Variants in SLC28A1 observed in about 807,000 individuals in gnomAD.
SLC28A1 encodes sodium/nucleoside cotransporter 1.
A neutral mutation model predicts 74.8 loss-of-function variants in SLC28A1; 64 were observed. That is an observed-to-expected ratio of 0.86 (90% confidence interval 0.70 to 1.05). SLC28A1 has a LOEUF of 1.05. Among genes scored for constraint, SLC28A1 ranks in the 50% least tolerant of loss-of-function variants. SLC28A1 has a pLI of 0.00. For synonymous variants in SLC28A1, 359 were observed against 335.0 expected, an observed-to-expected ratio of 1.07 and a Z score of -0.78; for missense variants, 828 against 822.8, an observed-to-expected ratio of 1.01 and a Z score of -0.08.
In SLC28A1 at chr15:84,910,352, G is replaced by A. The variant is rs766985236; in HGVS notation, c.795+1557G>A. Reference sequence around the variant, plus strand: ...CAATGCGGGGGTACCCGAAGTTTCAGAAAAGACAAGTAAGGTCTGCTTCAG... The same window carrying A: ...CAATGCGGGGGTACCCGAAGTTTCAAAAAAGACAAGTAAGGTCTGCTTCAG... On this transcript the variant is annotated intron_variant, in intron 9 of 18. Coordinates refer to ENST00000394573, the MANE Select transcript of SLC28A1 (RefSeq NM_004213.5). Among the ~76,000 whole-genome samples, 3 of 152,222 alleles carry A rather than the reference G, an allele frequency of 2.0e-5. No individual in the cohort carries two copies. The South Asian group carries it at 6.2e-4, about 31-fold the overall frequency.
chr15:84,891,063 G>A (rs1965317669), intron 5 of SLC28A1, among the ~76,000 whole-genome samples: 1 of 152,180 alleles, frequency 6.6e-6, no homozygotes, highest in South Asian at 2.1e-4. Flanking sequence ...GATGGGGAGT[G>A]GGTAGGGATA....
intron 15 of SLC28A1, among the ~76,000 whole-genome samples, chr15:84,937,772 G>A (rs1287822106): frequency 6.6e-6 from 1 of 152,064 alleles, no homozygotes; most frequent in Admixed American, 6.5e-5. Context: ...GTGTTGGAAT[G>A]TGTCTGTAGT....
chr15:84,938,307 GC>G (rs1972194437), intron 15 of SLC28A1: 1 of 88,038 alleles, frequency 1.1e-5, no homozygotes, highest in East Asian at 3.8e-4. Flanking sequence ...TAGAGGGCAC[GC>G]CCCTTCCTGT....
intron 5 of SLC28A1, among the ~76,000 whole-genome samples, chr15:84,893,909 G>A (rs1965645355): frequency 6.6e-6 from 1 of 152,196 alleles, no homozygotes; most frequent in South Asian, 2.1e-4. Context: ...CTGGCTTGGC[G>A]GCCTTGCCAG....
chr15:84,938,471 A>C (rs186473380), intron 15 of SLC28A1: 1 of 152,274 alleles, frequency 6.6e-6, no homozygotes, highest in East Asian at 1.9e-4. Context: ...GGGCCGTGCT[A>C]ATCTTCTCCG....
chr15:84,912,765 T>C (rs1256083483), intron 9 of SLC28A1, among the ~76,000 whole-genome samples: 1 of 150,666 alleles, frequency 6.6e-6, no homozygotes, highest in East Asian at 2.0e-4. Context: ...ATATAGACTC[T>C]GCAGTCCCCA....
chr15:84,958,237 C>T, the SLC28A1 span, among the ~76,000 whole-genome samples: 1 of 152,160 alleles, frequency 6.6e-6, no homozygotes, highest in South Asian at 2.1e-4. Context: ...TCCCTCTTTT[C>T]CCGAGATGTT....
Position 84,943,585 on chromosome 15 carries a change from G to T in SLC28A1, c.1663+59G>T, listed in dbSNP as rs1192005502. The stretch of plus-strand genomic sequence containing the variant: ...AGAGTCTGGGACTTGAACTTGCTCG[G>T]GACATGTAGGCCTCAGTTGTCTCAT... On this transcript the variant is annotated intron_variant, in intron 16 of 18. Coordinates refer to ENST00000394573, the MANE Select transcript of SLC28A1 (RefSeq NM_004213.5). 7 of 1,275,810 alleles carry T rather than the reference G, an allele frequency of 5.5e-6. No homozygotes were observed. The African/African-American group carries it at 1.0e-4, about 19-fold the overall frequency. The allele number at this position is 1,275,810 out of a possible 1,614,324, so 79.0% of individuals were successfully genotyped here. A position where few individuals can be genotyped will look rare whatever the true frequency, so the allele number is the denominator to read the frequency against.
At chr15:84,912,797 TGC>T (rs148740007) in intron 9 of SLC28A1, among the ~76,000 whole-genome samples, 2 of 118,174 alleles carry the variant, frequency 1.7e-5, no homozygotes, top group Non-Finnish European at 3.6e-5. Context: ...TGCCAAATTT[TGC>T]GCGCGCGCAC....
chr15:84,973,479 G>A, the SLC28A1 span, among the ~76,000 whole-genome samples: 1 of 152,160 alleles, frequency 6.6e-6, no homozygotes, highest in African/African-American at 2.4e-5. Flanking sequence ...CAGGGAAGCG[G>A]CACATGCTAA....
chr15:84,904,859 C>T (rs142116008), intron 7 of SLC28A1, among the ~76,000 whole-genome samples: 3,120 of 152,262 alleles, frequency 0.02, 56 homozygotes, highest in South Asian at 0.034. Flanking sequence ...TTTGGGAGGG[C>T]CCTGCCATAG....
At chr15:84,895,759 G>A in intron 6 of SLC28A1, 1 of 1,233,222 alleles carries the variant, frequency 8.1e-7, no homozygotes, top group African/African-American at 1.5e-5. Flanking sequence ...TTCGCTGGGG[G>A]AAAAAAACAG....
the SLC28A1 span, among the ~76,000 whole-genome samples, chr15:84,970,315 AC>A: frequency 6.6e-6 from 1 of 152,044 alleles, no homozygotes; most frequent in Non-Finnish European, 1.5e-5. Flanking sequence ...CTCCAAGACC[AC>A]CCCATACATC....
rs1567140848 is a variant in SLC28A1, at chr15:84,906,577, C to CTCTTG, written c.717+925_717+926insTCTTG. On this transcript the variant is annotated intron_variant, in intron 8 of 18. Coordinates refer to ENST00000394573, the MANE Select transcript of SLC28A1 (RefSeq NM_004213.5). Reference sequence around the variant, plus strand: ...CTTTCTTTCTTTCTCTTTCTTTCTTCCTTCCTTCCTTCCTTCCTTCCTTCC... The same window carrying CTCTTG: ...CTTTCTTTCTTTCTCTTTCTTTCTTCTCTTGCTTCCTTCCTTCCTTCCTTCCTTCC... 5.1e-3 allele frequency among the ~76,000 whole-genome samples: 165 copies of CTCTTG among 32,498 alleles called. 1 individual carries two copies. The Middle Eastern group carries it at 0.071, about 14-fold the overall frequency. The allele number at this position is 32,498 out of a possible 152,430, so 21.3% of individuals were successfully genotyped here. A position where few individuals can be genotyped will look rare whatever the true frequency, so the allele number is the denominator to read the frequency against.
intron 8 of SLC28A1, 23 bp downstream of exon 8, chr15:84,905,675 C>T (rs2290269): frequency 0.4 from 602,151 of 1,524,300 alleles, 120,477 homozygotes; most frequent in Middle Eastern, 0.41. Context: ...GGTCTGGCTG[C>T]CCAGAGCATC....
chr15:84,887,937 G>T (rs1964798286), intron 3 of SLC28A1, 81 bp downstream of exon 3: 1 of 977,942 alleles, frequency 1.0e-6, no homozygotes, highest in Non-Finnish European at 1.7e-6. Context: ...TGAGGCTTTT[G>T]CTCACCACCT....
chr15:84,970,669 A>G, the SLC28A1 span, among the ~76,000 whole-genome samples: 3 of 152,128 alleles, frequency 2.0e-5, no homozygotes, highest in South Asian at 2.1e-4. Flanking sequence ...CATGGAACTA[A>G]GAATCTGATT....
intron 1 of SLC28A1, chr15:84,886,431 CT>C (rs1338297499): frequency 2.0e-6 from 2 of 985,264 alleles, no homozygotes; most frequent in African/African-American, 3.5e-5. Context: ...AGAAGCGGCC[CT>C]AATAGGCCTG....
At chr15:84,910,685 G>A (rs796154194) in intron 9 of SLC28A1, among the ~76,000 whole-genome samples, 17 of 152,278 alleles carry the variant, frequency 1.1e-4, no homozygotes, top group South Asian at 8.3e-4. Flanking sequence ...CTGAGATCAT[G>A]CCATTGCACT....
Sources: gnomAD v4.1 joint callset for allele counts (sites outside exome capture counted in the v4.1 genomes callset) on GRCh38, gnomAD v4.1.1 for gene constraint, MANE v1.5 for transcripts, NCBI Gene and HGNC (gene_info 2026-07-23, HGNC 2026-07-21) for gene names.